Variants in UQCRC1 observed in about 807,000 individuals in gnomAD.
UQCRC1 encodes ubiquinol-cytochrome c reductase core protein 1, also known as cytochrome b-c1 complex subunit 1, mitochondrial.
A neutral mutation model predicts 58.0 loss-of-function variants in UQCRC1; 34 were observed. The observed-to-expected ratio is 0.59, with a 90% CI of 0.45 to 0.78. UQCRC1 has a LOEUF of 0.78. UQCRC1 is among the 30% of genes least tolerant of loss of function. UQCRC1 has a pLI of 0.00. For synonymous variants in UQCRC1, 276 were observed against 248.8 expected (o/e 1.11, Z -1.03); for missense variants, 610 against 646.0 (o/e 0.94, Z 0.60).
In UQCRC1 at chr3:48,599,414, G is replaced by T. The variant is rs530012076; in HGVS notation, c.1378+221C>A. The T allele has an allele frequency of 4.3e-6, 3 of 689,982 alleles. No homozygotes were observed. In the East Asian group the frequency reaches 8.2e-5, roughly 19 times the overall value. The allele number at this position is 689,982 out of a possible 1,614,324, so 42.7% of individuals were successfully genotyped here. A position where few individuals can be genotyped will look rare whatever the true frequency, so the allele number is the denominator to read the frequency against. On this transcript the variant is annotated intron_variant, in intron 12 of 12. Coordinates refer to ENST00000203407, the MANE Select transcript of UQCRC1 (RefSeq NM_003365.3). ...TGGAGGTGCCCGTTACCTGACGGGT[G>T]CAGGGTATTGATGAAGGCACCTTGG...
In UQCRC1 at chr3:48,599,185, A is replaced by T. The variant is rs776618979; in HGVS notation, c.1386T>A (p.Ile462=). ...TCCGGTTGTAGTCTGGGAGCTGCTC[A>T]ATGGGGCCTGTGGGGATAGGGTGGA... ...QCPAVAGYGP[I]EQLPDYNRIR... is the part of the protein sequence containing the mutation. The change falls in exon 13 of 13, where the codon ATT becomes ATA. Residue 462 remains isoleucine (I), a synonymous_variant. Coordinates refer to ENST00000203407, the MANE Select transcript of UQCRC1 (RefSeq NM_003365.3). The T allele has an allele frequency of 6.2e-7, 1 of 1,607,132 alleles. No homozygotes were observed.
chr3:48,603,695 T>C lies in UQCRC1; in HGVS notation c.627-52A>G, dbSNP rs564627874. ...ACACCTCTACCACACTGGAGTGAGT[T>C]GGGGTACATGCATGAATGGGACTGA... On this transcript the variant is annotated intron_variant, in intron 5 of 12. Coordinates refer to ENST00000203407, the MANE Select transcript of UQCRC1 (RefSeq NM_003365.3). The C allele has an allele frequency of 2.6e-6, 4 of 1,548,742 alleles. No individual in the cohort carries two copies. The East Asian group carries it at 9.1e-5, about 35-fold the overall frequency.
chr3:48,600,216 C>A lies in UQCRC1; in HGVS notation c.1214-65G>T, dbSNP rs2046351541. 2.4e-5 allele frequency: 38 copies of A among 1,560,742 alleles called. 1 individual carries two copies. In the South Asian group the frequency reaches 3.6e-4, roughly 15 times the overall value. ...AATCCTGGACCCACAGGTACACAAA[C>A]AATCTCCAGCCTCAGGTTGACAAGG... On this transcript the variant is annotated intron_variant, in intron 10 of 12. Transcript: ENST00000203407.
chr3:48,604,467 G>T, intron 4 of UQCRC1, 36 bp from the exon 5 acceptor site: 1 of 1,605,912 alleles, frequency 6.2e-7, no homozygotes, highest in South Asian at 1.1e-5. Flanking sequence ...GTGCCAGGTG[G>T]ACCACTGCAG....
chr3:48,606,754 A>G (rs2046416427), intron 2 of UQCRC1, among the ~76,000 whole-genome samples: 1 of 152,072 alleles, frequency 6.6e-6, no homozygotes, highest in African/African-American at 2.4e-5. Flanking sequence ...AAAAAAAAAA[A>G]AAATGTAAAA....
chr3:48,607,781 G>A (rs528636076), intron 2 of UQCRC1, among the ~76,000 whole-genome samples: 1 of 151,704 alleles, frequency 6.6e-6, no homozygotes, highest in South Asian at 2.1e-4. Flanking sequence ...CAGGGATTCT[G>A]AATTATCCAT....
rs994242718 is a variant in UQCRC1, at chr3:48,604,438, G to A, written c.428-7C>T. ...TCACCCAGGAGCTCCACAGCTAGATGCAAGGAGGACATGTTTAGGTGCCAG... is the reference window on the plus strand; with the variant it reads ...TCACCCAGGAGCTCCACAGCTAGATACAAGGAGGACATGTTTAGGTGCCAG... On this transcript the variant is annotated splice_polypyrimidine_tract_variant and splice_region_variant and intron_variant, in intron 4 of 12. Coordinates refer to ENST00000203407, the MANE Select transcript of UQCRC1 (RefSeq NM_003365.3). 4 of 1,613,440 alleles carry A rather than the reference G, an allele frequency of 2.5e-6. No individual in the cohort carries two copies. The highest frequency in any genetic ancestry group is 3.4e-6 in the Non-Finnish European group (4 of 1,179,672).
Position 48,600,676 on chromosome 3 carries a change from T to A in UQCRC1, c.1127+4A>T. 6.2e-7 allele frequency: 1 copy of A among 1,614,162 alleles called. No homozygotes were observed. The highest frequency in any genetic ancestry group is 8.5e-7 in the Non-Finnish European group (1 of 1,180,026). On this transcript the variant is annotated splice_donor_region_variant and intron_variant, in intron 9 of 12. Coordinates refer to ENST00000203407, the MANE Select transcript of UQCRC1 (RefSeq NM_003365.3). ...CCACCTAGGAATACCAGGCTGCCAC[T>A]TACCACTGCCCTTGCAGGACGAACA...
rs746298877 is a variant in UQCRC1, at chr3:48,603,597, T to C, written c.673A>G (p.Lys225Glu). ...DLTEYLSTHYKAPRMVLAAAG... is the reference protein window; with the variant it reads ...DLTEYLSTHYEAPRMVLAAAG... ...GCTGCCAGCACCATTCGAGGGGCCT[T>C]GTAATGTGTGCTGAGGTACTCGGTC... Residue 225 changes from lysine (K) to glutamate (E), a missense_variant, in exon 6 of 13, where the codon AAG becomes GAG. By Grantham distance (56) the Lys-to-Glu change is moderately conservative (BLOSUM62 1). Transcript: ENST00000203407. 1.2e-6 allele frequency: 2 copies of C among 1,613,870 alleles called. No homozygotes were observed. Among genetic ancestry groups the C allele is most frequent in the South Asian group, 1.1e-5 (1 of 91,062 alleles).
rs202030377 is a variant in UQCRC1 at position 48,599,638 on chromosome 3, A to T, written c.1375T>A (p.Tyr459Asn). ...IYDQCPAVAG[Y>N]GPIEQLPDYN... ...GCAGACCCCCTAGGCCACTTACCAT[A>T]TCCAGCCACTGCTGGGCACTGGTCA... Residue 459 changes from tyrosine to asparagine, a missense_variant, in exon 12 of 13, where the codon TAT becomes AAT. Transcript: ENST00000203407. 1.9e-4 allele frequency: 314 copies of T among 1,613,846 alleles called. No individual in the cohort carries two copies. Among genetic ancestry groups the T allele is most frequent in the Non-Finnish European group, 2.2e-4 (256 of 1,179,926 alleles).
rs759714621 is a variant in UQCRC1 at position 48,599,717 on chromosome 3, G to A, written c.1303-7C>T. The A allele has an allele frequency of 1.9e-6, 3 of 1,613,468 alleles. No homozygotes were observed. Among genetic ancestry groups the A allele is most frequent in the Non-Finnish European group, 2.5e-6 (3 of 1,179,968 alleles). On this transcript the variant is annotated splice_polypyrimidine_tract_variant and splice_region_variant and intron_variant, in intron 11 of 12. Coordinates refer to ENST00000203407, the MANE Select transcript of UQCRC1 (RefSeq NM_003365.3). ...CCACACTGGCATCCACCTCCTGCAGGGTGAGGCAGAGGGCATACTGGCTAA... is the reference window on the plus strand; with the variant it reads ...CCACACTGGCATCCACCTCCTGCAGAGTGAGGCAGAGGGCATACTGGCTAA...
chr3:48,601,261 G>T, intron 7 of UQCRC1, 91 bp downstream of exon 7: 1 of 1,551,200 alleles, frequency 6.4e-7, no homozygotes, highest in Admixed American at 1.9e-5. Flanking sequence ...AACTGCTGAG[G>T]TATCTCTGGA....
At chr3:48,607,175 G>T (rs1413256714) in intron 2 of UQCRC1, among the ~76,000 whole-genome samples, 1 of 152,128 alleles carries the variant, frequency 6.6e-6, no homozygotes, top group African/African-American at 2.4e-5. Flanking sequence ...CCGAGTAGCT[G>T]GAACTACAGG....
intron 2 of UQCRC1, among the ~76,000 whole-genome samples, chr3:48,608,300 G>A (rs1056767037): frequency 4.6e-5 from 7 of 152,186 alleles, no homozygotes; most frequent in Non-Finnish European, 8.8e-5. Context: ...AATCTTAGAT[G>A]AACATGTATT....
At chr3:48,607,242 C>T (rs1317580079) in intron 2 of UQCRC1, among the ~76,000 whole-genome samples, 2 of 152,108 alleles carry the variant, frequency 1.3e-5, no homozygotes, top group East Asian at 1.9e-4. Flanking sequence ...GGGGTTTCAC[C>T]GTGTTAGCCA....
Position 48,601,007 on chromosome 3 carries a change from C to T in UQCRC1, c.934G>A (p.Gly312Ser), listed in dbSNP as rs145869559. The T allele has an allele frequency of 8.9e-4, 1,431 of 1,607,484 alleles. 3 individuals are homozygous for T. The highest frequency in any genetic ancestry group is 1.1e-3 in the Non-Finnish European group (1,340 of 1,174,678). ...VALQVANAII[G>S]HYDCTYGGGV... ...CCACCATAAGTGCAGTCATAGTGGC[C>T]GATGATGGCATTGGCCACTTGCAAG... The change falls in exon 8 of 13, where the codon GGC (glycine) becomes AGC (serine). Residue 312 changes from glycine (G) to serine (S), a missense_variant. Physicochemically the swap from Gly to Ser is moderately conservative, Grantham distance 56. Coordinates refer to ENST00000203407, the MANE Select transcript of UQCRC1 (RefSeq NM_003365.3).
rs1686060384 is a variant in UQCRC1 at position 48,609,644 on chromosome 3, T to G, written c.-24A>C. 2 of 1,546,610 alleles carry G rather than the reference T, an allele frequency of 1.3e-6. No individual in the cohort carries two copies. The highest frequency in any genetic ancestry group is 1.7e-6 in the Non-Finnish European group (2 of 1,148,990). On this transcript the variant is annotated 5_prime_UTR_variant, in exon 1 of 13. Coordinates refer to ENST00000203407, the MANE Select transcript of UQCRC1 (RefSeq NM_003365.3). ...ATCTTCCAGCTGCAGTCGGCCCTGT[T>G]GCGCCGCGCAAGCGTAGACTGGGCG... is the stretch of plus-strand genomic sequence containing the variant.
rs1575511043 is a variant in UQCRC1 at position 48,599,062 on chromosome 3, T to C, written c.*66A>G. On this transcript the variant is annotated 3_prime_UTR_variant, in exon 13 of 13. Transcript: ENST00000203407. Reference sequence around the variant, plus strand: ...GCACAGGTTAGAGGAGCCGAAGTGCTGTGTTTGTGGTGGGGGGGGGACCAC... The same window carrying C: ...GCACAGGTTAGAGGAGCCGAAGTGCCGTGTTTGTGGTGGGGGGGGGACCAC... The C allele has an allele frequency of 6.3e-7, 1 of 1,581,650 alleles. No individual in the cohort carries two copies. The highest frequency in any genetic ancestry group is 8.7e-7 in the Non-Finnish European group (1 of 1,155,018).
chr3:48,600,034 C>T, intron 11 of UQCRC1, 29 bp downstream of exon 11: 1 of 1,613,850 alleles, frequency 6.2e-7, no homozygotes, highest in African/African-American at 1.3e-5. Context: ...GGCCAAGACT[C>T]CAGAACCTCT....
Sources: gnomAD v4.1 joint callset for allele counts (sites outside exome capture counted in the v4.1 genomes callset) on GRCh38, gnomAD v4.1.1 for gene constraint, MANE v1.5 for transcripts, NCBI Gene and HGNC (gene_info 2026-07-23, HGNC 2026-07-21) for gene names.